Variants in OVCH1 observed in about 807,000 individuals in gnomAD.
The protein encoded by OVCH1 is ovochymase 1.
A neutral mutation model predicts 138.4 loss-of-function variants in OVCH1; 139 were observed. The observed-to-expected ratio is 1.00, with a 90% CI of 0.87 to 1.16. OVCH1 has a LOEUF of 1.16. Among genes scored for constraint, OVCH1 ranks in the 50% most tolerant of loss-of-function variants. The probability of loss-of-function intolerance (pLI) is 0.00; values close to 1 mark genes in which losing one functional copy is unlikely to be tolerated. For synonymous variants in OVCH1, 453 were observed against 467.8 expected (o/e 0.97, Z 0.41); for missense variants, 1,367 against 1,357.9 (o/e 1.01, Z -0.11).
At position 29,416,399 on chromosome 12, in the gene OVCH1, A is replaced by G. The variant is rs533177342; in HGVS notation, c.*72-3674T>C. Among the ~76,000 whole-genome samples, 8 of 152,318 alleles carry G rather than the reference A, an allele frequency of 5.3e-5. No individual in the cohort carries two copies. The East Asian group carries it at 1.5e-3, about 29-fold the overall frequency. On this transcript the variant is annotated intron_variant and NMD_transcript_variant, in intron 3 of 4. Transcript: ENST00000539117. ...AGCTAAGACTGGGAGGAACATCTGC[A>G]AACCATGTATTTGACAAAGGATTAG...
intron 3 of OVCH1, among the ~76,000 whole-genome samples, chr12:29,420,349 C>T (rs538730137): frequency 1.6e-4 from 24 of 152,280 alleles, no homozygotes; most frequent in African/African-American, 5.5e-4. Flanking sequence ...TTTAGCAACT[C>T]CAGTGCTCTA....
intron 20 of OVCH1, 54 bp from the exon 21 acceptor site, chr12:29,454,987 A>T (rs1941905460): frequency 6.9e-7 from 1 of 1,445,730 alleles, no homozygotes; most frequent in Non-Finnish European, 9.6e-7. Context: ...AGAACAAAAT[A>T]TAGTGGGCAC....
In OVCH1 at chr12:29,448,730, TAAAG is replaced by T. The variant is rs1941687022; in HGVS notation, c.2755+2611_2755+2614del. Among the ~76,000 whole-genome samples the T allele has an allele frequency of 3.3e-5, 5 of 152,288 alleles. No individual in the cohort carries two copies. In the East Asian group the frequency reaches 9.7e-4, roughly 29 times the overall value. ...TGTAGTCTAAATTAGGTTGTAATCA[TAAAG>T]AAAGATTCTTTAAGCAAACATTTTT... On this transcript the variant is annotated intron_variant, in intron 22 of 27. Coordinates refer to ENST00000318184, the Ensembl canonical transcript of OVCH1.
intron 17 of OVCH1, 104 bp from the exon 18 acceptor site, chr12:29,464,806 A>G: frequency 1.0e-6 from 1 of 982,560 alleles, no homozygotes; most frequent in Middle Eastern, 2.6e-4. Context: ...GCACTTACAT[A>G]CATAAACAAT....
chr12:29,416,404 A>G (rs1941031744), intron 3 of OVCH1, among the ~76,000 whole-genome samples: 1 of 152,162 alleles, frequency 6.6e-6, no homozygotes, highest in South Asian at 2.1e-4. Flanking sequence ...TCTGCAAACC[A>G]TGTATTTGAC....
chr12:29,497,640 C>T (rs1218184116), exon 1 of OVCH1: 1 of 1,613,962 alleles, frequency 6.2e-7, no homozygotes, highest in East Asian at 2.2e-5. Flanking sequence ...TCTGGGGTGG[C>T]CGATGACCAG....
intron 1 of OVCH1, 89 bp from the exon 2 acceptor site, chr12:29,496,763 T>G: frequency 1.1e-6 from 1 of 942,600 alleles, no homozygotes; most frequent in Non-Finnish European, 1.6e-6. Context: ...TTTCCTGGCC[T>G]GGCACAGACA....
intron 8 of OVCH1, among the ~76,000 whole-genome samples, chr12:29,485,700 C>G (rs906195222): frequency 6.6e-6 from 1 of 151,710 alleles, no homozygotes; most frequent in Non-Finnish European, 1.5e-5. Flanking sequence ...GGCGTTAACC[C>G]GGAAGGCGGA....
chr12:29,442,032 A>AACT (rs1319002248), intron 25 of OVCH1, among the ~76,000 whole-genome samples: 1 of 151,368 alleles, frequency 6.6e-6, no homozygotes, highest in Non-Finnish European at 1.5e-5. Flanking sequence ...TGGGACTGTA[A>AACT]ACTAGTTCAA....
In OVCH1 at chr12:29,464,499, A is replaced by G. The variant is rs761559412; in HGVS notation, c.2125+8T>C. The G allele has an allele frequency of 5.0e-6, 8 of 1,612,280 alleles. No homozygotes were observed. In the South Asian group the frequency reaches 6.6e-5, roughly 13 times the overall value. Reference sequence around the variant, plus strand: ...GCATTAATGTTTATGCAACAAAAATATGCTTACCTGCACTGATGCTTCCCC... The same window carrying G: ...GCATTAATGTTTATGCAACAAAAATGTGCTTACCTGCACTGATGCTTCCCC... On this transcript the variant is annotated splice_region_variant and intron_variant, in intron 18 of 27. Transcript: ENST00000318184.
chr12:29,481,630 T>C (rs1199862385), intron 8 of OVCH1, among the ~76,000 whole-genome samples: 1 of 152,180 alleles, frequency 6.6e-6, no homozygotes, highest in Non-Finnish European at 1.5e-5. Context: ...AAACCTTCTT[T>C]ATTTGTTGTG....
At chr12:29,410,151 C>G (rs1459416958), downstream of OVCH1, among the ~76,000 whole-genome samples, 1 of 143,934 alleles carries the variant, frequency 6.9e-6, no homozygotes, top group East Asian at 2.0e-4. Context: ...TTTTGTTTTC[C>G]ATTTGCTTGG....
At chr12:29,407,631 G>A (rs1339726101), downstream of OVCH1, among the ~76,000 whole-genome samples, 1 of 151,916 alleles carries the variant, frequency 6.6e-6, no homozygotes, top group Non-Finnish European at 1.5e-5. Flanking sequence ...ATGCAGCATT[G>A]TTTCTGAGGG....
chr12:29,416,288 C>T (rs1941030231), intron 3 of OVCH1, among the ~76,000 whole-genome samples: 1 of 147,806 alleles, frequency 6.8e-6, no homozygotes, highest in Non-Finnish European at 1.5e-5. Context: ...AAAGGAGAAG[C>T]TTTTTTTTTT....
At chr12:29,439,224 G>A (rs1444234316) in intron 26 of OVCH1, 1 of 1,127,444 alleles carries the variant, frequency 8.9e-7, no homozygotes, top group South Asian at 3.0e-5. Context: ...GCCTTTAGAA[G>A]CTCAAAGTCC....
At chr12:29,492,011 G>C (rs904491847) in intron 4 of OVCH1, among the ~76,000 whole-genome samples, 10 of 152,174 alleles carry the variant, frequency 6.6e-5, no homozygotes, top group Non-Finnish European at 1.5e-5. Flanking sequence ...TGTTGGGTGA[G>C]AGGAGAAGAA....
intron 26 of OVCH1, among the ~76,000 whole-genome samples, chr12:29,435,958 T>C (rs1408776953): frequency 6.6e-6 from 1 of 152,182 alleles, no homozygotes; most frequent in Non-Finnish European, 1.5e-5. Context: ...AAATTACTCA[T>C]AATCTTATAA....
chr12:29,430,557 T>C (rs376408503), intron 27 of OVCH1, among the ~76,000 whole-genome samples: 1 of 152,164 alleles, frequency 6.6e-6, no homozygotes, highest in African/African-American at 2.4e-5. Flanking sequence ...TATGACTGTC[T>C]CTGCTGTGTC....
At chr12:29,423,247 T>C (rs1592026324), downstream of OVCH1, 1 of 455,992 alleles carries the variant, frequency 2.2e-6, no homozygotes. Flanking sequence ...CACAGTCAGG[T>C]AAGCAGCACT....
Sources: allele counts gnomAD v4.1 joint callset (sites outside exome capture counted in the v4.1 genomes callset), GRCh38; gene constraint gnomAD v4.1.1; transcripts MANE v1.5; gene names NCBI Gene and HGNC (gene_info 2026-07-23, HGNC 2026-07-21).